Variants in C12orf42 observed in about 807,000 individuals in gnomAD.
C12orf42 encodes the protein chromosome 12 open reading frame 42.
Under a neutral mutation model 21.6 loss-of-function variants are expected in C12orf42, and 25 were observed. The observed-to-expected ratio is 1.16, with a 90% CI of 0.84 to 1.62. C12orf42 has a LOEUF of 1.62. Ranked by LOEUF, C12orf42 falls within the 40% of genes most tolerant of loss-of-function variation. The pLI is 0.00. For missense variants in C12orf42, 483 were observed against 459.3 expected (o/e 1.05, Z -0.47); for synonymous variants, 174 against 175.0 (o/e 0.99, Z 0.05).
intron 4 of C12orf42, among the ~76,000 whole-genome samples, chr12:103,360,879 A>G (rs1345188755): frequency 6.6e-6 from 1 of 152,192 alleles, no homozygotes; most frequent in African/African-American, 2.4e-5. Context: ...AAGTTAAAGT[A>G]TATCCATAAA....
chr12:103,256,099 TATATATATATATACACAC>T (rs1354562766), intron 10 of C12orf42, among the ~76,000 whole-genome samples: 2 of 35,990 alleles, frequency 5.6e-5, no homozygotes, highest in African/African-American at 8.7e-5. Context: ...TATATATATA[TATATATATATATACACAC>T]ACACACACAC....
the C12orf42 span, among the ~76,000 whole-genome samples, chr12:103,560,803 C>T: frequency 6.6e-6 from 1 of 152,172 alleles, no homozygotes; most frequent in Non-Finnish European, 1.5e-5. Flanking sequence ...CCCTCTTAGT[C>T]ACTTTGAGGA....
Position 103,353,078 on chromosome 12 carries a change from A to T in C12orf42, c.259+15809T>A, listed in dbSNP as rs114157104. ...CTTTGCTTTTGTTTGCAAGTAAAGA[A>T]CCTCACTGTGGTACTTTTCACTCAT... On this transcript the variant is annotated intron_variant, in intron 4 of 5. Transcript: ENST00000548883. 2.3e-3 allele frequency among the ~76,000 whole-genome samples: 347 copies of T among 152,208 alleles called. 1 individual carries two copies. Among genetic ancestry groups the T allele is most frequent in the African/African-American group, 7.9e-3 (328 of 41,540 alleles).
chr12:103,341,241 G>T (rs970826240), intron 4 of C12orf42, among the ~76,000 whole-genome samples: 1 of 151,742 alleles, frequency 6.6e-6, no homozygotes, highest in Non-Finnish European at 1.5e-5. Context: ...GTAAGTCCCA[G>T]CTACTCAGGA....
At chr12:103,062,812 T>C in the C12orf42 span, among the ~76,000 whole-genome samples, 2 of 152,204 alleles carry the variant, frequency 1.3e-5, no homozygotes, top group Non-Finnish European at 2.9e-5. Flanking sequence ...TTTACATTTC[T>C]AATAATTTTT....
the C12orf42 span, among the ~76,000 whole-genome samples, chr12:103,533,617 G>A: frequency 1.3e-5 from 2 of 152,038 alleles, no homozygotes; most frequent in African/African-American, 2.4e-5. Flanking sequence ...TAACTTTTGC[G>A]GCACATATTT....
intron 1 of C12orf42, among the ~76,000 whole-genome samples, chr12:103,482,131 G>C (rs1210669680): frequency 6.6e-6 from 1 of 151,956 alleles, no homozygotes; most frequent in Non-Finnish European, 1.5e-5. Context: ...TTTGATTTAT[G>C]CACATACTTA....
chr12:103,552,483 C>A, the C12orf42 span, among the ~76,000 whole-genome samples: 8 of 152,088 alleles, frequency 5.3e-5, no homozygotes, highest in African/African-American at 1.9e-4. Flanking sequence ...TAATTAATTC[C>A]TGTAAAATTT....
intron 3 of C12orf42, among the ~76,000 whole-genome samples, chr12:103,397,168 T>C (rs1361453438): frequency 1.3e-5 from 2 of 152,246 alleles, no homozygotes; most frequent in Non-Finnish European, 1.5e-5. Flanking sequence ...GATTTATCCT[T>C]GATGGTCTGT....
chr12:103,521,109 A>G, the C12orf42 span, among the ~76,000 whole-genome samples: 1 of 152,218 alleles, frequency 6.6e-6, no homozygotes, highest in African/African-American at 2.4e-5. Context: ...CAGCTCCAGC[A>G]GCTAACGCAA....
At chr12:103,553,400 A>C in the C12orf42 span, among the ~76,000 whole-genome samples, 2 of 152,152 alleles carry the variant, frequency 1.3e-5, no homozygotes, top group African/African-American at 2.4e-5. Context: ...ATAGTACTGC[A>C]GCCCTTAAAA....
intron 4 of C12orf42, among the ~76,000 whole-genome samples, chr12:103,329,454 A>C (rs1593458477): frequency 1.3e-5 from 2 of 152,274 alleles, no homozygotes; most frequent in African/African-American, 4.8e-5. Flanking sequence ...CCTAGACAAC[A>C]GATTGATAGG....
At chr12:103,177,452 A>G in the C12orf42 span, among the ~76,000 whole-genome samples, 39 of 152,306 alleles carry the variant, frequency 2.6e-4, no homozygotes, top group South Asian at 8.1e-3. Context: ...CAGGTTTCCA[A>G]AGAGCTAAAG....
intron 2 of C12orf42, among the ~76,000 whole-genome samples, chr12:103,449,239 T>C (rs1951784063): frequency 6.6e-6 from 1 of 151,976 alleles, no homozygotes; most frequent in Non-Finnish European, 1.5e-5. Context: ...AACTCAGGAA[T>C]GGAAAAACCA....
chr12:103,251,311 G>A lies in C12orf42; in HGVS notation c.*1366+12015C>T, dbSNP rs144263155. Among the ~76,000 whole-genome samples the A allele has an allele frequency of 5.4e-4, 82 of 151,894 alleles. No individual in the cohort carries two copies. The East Asian group carries it at 0.012, about 23-fold the overall frequency. ...GATCTCTACAAGCTTTGATTTGTCC[G>A]TTGACATCTCTTCCTCATGATGCTG... On this transcript the variant is annotated intron_variant and NMD_transcript_variant, in intron 10 of 10. Transcript: ENST00000547347.
the C12orf42 span, among the ~76,000 whole-genome samples, chr12:103,226,155 G>A: frequency 6.6e-6 from 1 of 152,240 alleles, no homozygotes; most frequent in East Asian, 1.9e-4. Flanking sequence ...AAGCTCCTGG[G>A]GGAGGAGGTT....
intron 4 of C12orf42, among the ~76,000 whole-genome samples, chr12:103,347,570 C>A (rs2042740514): frequency 6.6e-6 from 1 of 152,112 alleles, no homozygotes; most frequent in Admixed American, 6.6e-5. Flanking sequence ...TCAACAATAG[C>A]AAGTGAAAAT....
chr12:103,055,624 G>T, the C12orf42 span, among the ~76,000 whole-genome samples: 9 of 151,588 alleles, frequency 5.9e-5, no homozygotes, highest in African/African-American at 2.2e-4. Flanking sequence ...TCTTTCTATA[G>T]ATTCTTTAGG....
intron 1 of C12orf42, among the ~76,000 whole-genome samples, chr12:103,487,435 A>G (rs1384331225): frequency 6.6e-6 from 1 of 152,138 alleles, no homozygotes. Context: ...TATTCTGTTG[A>G]TTTGGGGTGG....
Sources: allele counts gnomAD v4.1 joint callset (sites outside exome capture counted in the v4.1 genomes callset), GRCh38; gene constraint gnomAD v4.1.1; transcripts MANE v1.5; gene names NCBI Gene and HGNC (gene_info 2026-07-23, HGNC 2026-07-21).